Variants in CHSY3 observed in about 807,000 individuals in gnomAD.
CHSY3 encodes N-acetylgalactosaminyl-proteoglycan 3-beta-glucuronosyltransferase 3.
In CHSY3, 35 loss-of-function variants were observed where a neutral mutation model predicts 67.2. The ratio of observed to expected loss-of-function variants is 0.52; its 90% CI spans 0.40 to 0.69. CHSY3 has a LOEUF of 0.69. Ranked by LOEUF, CHSY3 falls within the 30% of genes least tolerant of loss-of-function variation. The pLI, the probability that CHSY3 is intolerant of heterozygous loss-of-function variation, is 0.00. For synonymous variants in CHSY3, 474 were observed against 434.7 expected (o/e 1.09, Z -1.12); for missense variants, 1,069 against 1,138.5 (o/e 0.94, Z 0.88).
intron 2 of CHSY3, among the ~76,000 whole-genome samples, chr5:130,103,669 G>T (rs532141270): frequency 6.6e-6 from 1 of 152,062 alleles, no homozygotes; most frequent in East Asian, 1.9e-4. Context: ...AACTGACAAT[G>T]AAATGTTTTT....
chr5:129,994,732 T>A (rs1051559942), intron 2 of CHSY3, among the ~76,000 whole-genome samples: 19 of 151,992 alleles, frequency 1.3e-4, no homozygotes, highest in Non-Finnish European at 2.5e-4. Context: ...AAACGATGAG[T>A]TCATGTCGTT....
intron 2 of CHSY3, among the ~76,000 whole-genome samples, chr5:130,042,490 G>C (rs1278131358): frequency 6.6e-6 from 1 of 151,962 alleles, no homozygotes; most frequent in Non-Finnish European, 1.5e-5. Flanking sequence ...TTGTCTATTG[G>C]TTTTAAAAAG....
Position 130,185,551 on chromosome 5 carries a change from G to T in CHSY3, c.2409G>T (p.Trp803Cys), listed in dbSNP as rs767792548. 6.2e-7 allele frequency: 1 copy of T among 1,614,070 alleles called. No individual in the cohort carries two copies. Among genetic ancestry groups the T allele is most frequent in the South Asian group, 1.1e-5 (1 of 91,076 alleles). Residue 803 changes from tryptophan (W) to cysteine (C), a missense_variant, in exon 3 of 3, where the codon TGG (tryptophan) becomes TGT (cysteine). Transcript: ENST00000305031. ...AGGFDTSIQG[W>C]GLEDVDLYNK... ...GATTTGATACCTCAATACAAGGCTG[G>T]GGACTAGAAGATGTAGATCTCTACA...
intron 2 of CHSY3, among the ~76,000 whole-genome samples, chr5:129,961,616 C>T (rs1157635943): frequency 6.6e-6 from 1 of 151,908 alleles, no homozygotes; most frequent in African/African-American, 2.4e-5. Context: ...TCAGATAACC[C>T]CTTCTCTGAT....
At chr5:130,176,674 T>G (rs1367660243) in intron 2 of CHSY3, among the ~76,000 whole-genome samples, 1 of 152,076 alleles carries the variant, frequency 6.6e-6, no homozygotes, top group African/African-American at 2.4e-5. Context: ...TAAAAAAGGA[T>G]GAGTTCATGT....
intron 2 of CHSY3, among the ~76,000 whole-genome samples, chr5:130,024,165 C>CT (rs1764474273): frequency 7.2e-6 from 1 of 138,474 alleles, no homozygotes; most frequent in African/African-American, 2.7e-5. Context: ...GCCTGTCTTG[C>CT]TTTTTTAAGG....
intron 2 of CHSY3, among the ~76,000 whole-genome samples, chr5:130,168,619 A>C (rs1018817811): frequency 6.6e-6 from 1 of 152,174 alleles, no homozygotes; most frequent in Non-Finnish European, 1.5e-5. Flanking sequence ...ATTGTCTTTT[A>C]GACAAAGTTC....
chr5:130,016,192 C>T (rs563192760), intron 2 of CHSY3, among the ~76,000 whole-genome samples: 1 of 152,000 alleles, frequency 6.6e-6, no homozygotes, highest in East Asian at 1.9e-4. Context: ...CACAATTCAC[C>T]CATGTAACAA....
chr5:130,017,612 T>C (rs752270564), intron 2 of CHSY3, among the ~76,000 whole-genome samples: 6 of 152,178 alleles, frequency 3.9e-5, no homozygotes, highest in Non-Finnish European at 7.4e-5. Context: ...AAATCTCTTT[T>C]TGAGGAAATC....
intron 2 of CHSY3, among the ~76,000 whole-genome samples, chr5:129,991,893 G>T (rs544968996): frequency 2.0e-5 from 3 of 152,100 alleles, no homozygotes; most frequent in Non-Finnish European, 4.4e-5. Context: ...ACATGAAGTT[G>T]CTTCTGAGAA....
At chr5:129,958,604 C>CACTG (rs1267304183) in intron 2 of CHSY3, among the ~76,000 whole-genome samples, 1 of 152,158 alleles carries the variant, frequency 6.6e-6, no homozygotes, top group Non-Finnish European at 1.5e-5. Context: ...GATCACAGAT[C>CACTG]ACTGAAGTCT....
chr5:129,927,881 G>T (rs1236241175), intron 2 of CHSY3, among the ~76,000 whole-genome samples: 3 of 151,396 alleles, frequency 2.0e-5, no homozygotes, highest in South Asian at 2.1e-4. Flanking sequence ...TCCAGTTTTT[G>T]TGTGTGTGTG....
intron 2 of CHSY3, among the ~76,000 whole-genome samples, chr5:130,172,015 T>C (rs1001098901): frequency 6.6e-6 from 1 of 152,112 alleles, no homozygotes; most frequent in East Asian, 1.9e-4. Context: ...GTGCTCTCAA[T>C]AGCACTCAGT....
At chr5:130,147,052 C>A (rs994356793) in intron 2 of CHSY3, among the ~76,000 whole-genome samples, 1 of 152,148 alleles carries the variant, frequency 6.6e-6, no homozygotes, top group Non-Finnish European at 1.5e-5. Flanking sequence ...CCTCGGCCTC[C>A]CAAAATGTTG....
chr5:130,180,279 T>C (rs1770205389), intron 2 of CHSY3, among the ~76,000 whole-genome samples: 1 of 152,208 alleles, frequency 6.6e-6, no homozygotes, highest in South Asian at 2.1e-4. Flanking sequence ...CTATGTATTA[T>C]TCCATCTCTT....
At chr5:130,094,280 C>A (rs988293887) in intron 2 of CHSY3, among the ~76,000 whole-genome samples, 2 of 151,858 alleles carry the variant, frequency 1.3e-5, no homozygotes, top group Non-Finnish European at 2.9e-5. Context: ...GAAAAATTAC[C>A]CCCTAAAAAA....
intron 2 of CHSY3, among the ~76,000 whole-genome samples, chr5:130,020,272 T>C (rs564513978): frequency 6.6e-6 from 1 of 150,960 alleles, no homozygotes; most frequent in South Asian, 2.1e-4. Flanking sequence ...ACAAAAAAAA[T>C]TAGCAGGGTG....
At chr5:130,137,430 C>A (rs1165481704) in intron 2 of CHSY3, among the ~76,000 whole-genome samples, 1 of 152,090 alleles carries the variant, frequency 6.6e-6, no homozygotes, top group African/African-American at 2.4e-5. Context: ...GGTTTTCAAT[C>A]ATTTTGCCAT....
intron 2 of CHSY3, among the ~76,000 whole-genome samples, chr5:129,971,189 T>C (rs1762631312): frequency 2.0e-5 from 3 of 151,858 alleles, no homozygotes; most frequent in Non-Finnish European, 4.4e-5. Context: ...TAACTCTGCA[T>C]GTATTTTAAT....
Sources: gnomAD v4.1 joint callset for allele counts (sites outside exome capture counted in the v4.1 genomes callset) on GRCh38, gnomAD v4.1.1 for gene constraint, MANE v1.5 for transcripts, NCBI Gene and HGNC (gene_info 2026-07-23, HGNC 2026-07-21) for gene names.